Variants in RAD50 observed in about 807,000 individuals in gnomAD.
RAD50 encodes the protein DNA repair protein RAD50.
In RAD50, 132 loss-of-function variants were observed where a neutral mutation model predicts 168.8. That is an observed-to-expected ratio of 0.78 (90% confidence interval 0.68 to 0.90). The LOEUF is 0.90. Ranked by LOEUF, RAD50 falls within the 40% of genes least tolerant of loss-of-function variation. The probability of loss-of-function intolerance (pLI) is 0.00; values close to 1 mark genes in which losing one functional copy is unlikely to be tolerated. For synonymous variants in RAD50, 525 were observed against 497.4 expected (o/e 1.06, Z -0.74); for missense variants, 1,347 against 1,534.4 (o/e 0.88, Z 2.04).
chr5:132,594,728 C>T (rs1750758411), intron 11 of RAD50, 141 bp from the exon 12 acceptor site: 1 of 819,878 alleles, frequency 1.2e-6, no homozygotes, highest in Non-Finnish European at 1.9e-6. Context: ...ACTAGTCCCT[C>T]AACTTCTGAA....
chr5:132,579,059 T>C (rs562346613), intron 3 of RAD50, among the ~76,000 whole-genome samples: 3 of 152,332 alleles, frequency 2.0e-5, no homozygotes, highest in Non-Finnish European at 4.4e-5. Flanking sequence ...TAAATTATTA[T>C]ATTTAAAAGT....
chr5:132,567,489 A>AT (rs974590427), intron 2 of RAD50, among the ~76,000 whole-genome samples: 2 of 152,204 alleles, frequency 1.3e-5, no homozygotes, highest in African/African-American at 4.8e-5. Context: ...CAAAGATAGG[A>AT]TTTTGGATTT....
At chr5:132,565,123 C>T (rs896049508) in intron 2 of RAD50, among the ~76,000 whole-genome samples, 5 of 152,092 alleles carry the variant, frequency 3.3e-5, no homozygotes, top group Non-Finnish European at 5.9e-5. Flanking sequence ...GTCACAATTC[C>T]CCCTTTACTC....
chr5:132,558,919 T>C lies in RAD50; in HGVS notation c.130-365T>C, dbSNP rs117816182. ...GAGACCCTGTCTCTTAAACAAAAAG[T>C]TCCTACAGCCTGGAGTTAATGTGAG... On this transcript the variant is annotated intron_variant, in intron 1 of 24. Coordinates refer to ENST00000378823, the MANE Select transcript of RAD50 (RefSeq NM_005732.4). Among the ~76,000 whole-genome samples the C allele has an allele frequency of 1.5e-3, 231 of 152,180 alleles. 4 individuals are homozygous for C. Among genetic ancestry groups the C allele is most frequent in the Admixed American group, 0.011 (164 of 15,292 alleles).
At chr5:132,603,634 GA>G in intron 14 of RAD50, 145 bp downstream of exon 14, 1 of 972,220 alleles carries the variant, frequency 1.0e-6, no homozygotes, top group South Asian at 1.4e-5. Flanking sequence ...CCCTCAGGGA[GA>G]AACTGCTTAG....
At chr5:132,611,726 A>G (rs1751091344) in intron 19 of RAD50, among the ~76,000 whole-genome samples, 1 of 151,092 alleles carries the variant, frequency 6.6e-6, no homozygotes, top group African/African-American at 2.4e-5. Flanking sequence ...AAAAAAAAAA[A>G]AAAGTCACAA....
At chr5:132,624,871 C>CAAA (rs10671829) in intron 21 of RAD50, among the ~76,000 whole-genome samples, 4,070 of 57,152 alleles carry the variant, frequency 0.071, 329 homozygotes, top group African/African-American at 0.2. Context: ...GACCCTGTCT[C>CAAA]AAAAAAAAAA....
intron 5 of RAD50, among the ~76,000 whole-genome samples, chr5:132,581,409 C>T (rs1353714421): frequency 2.0e-5 from 3 of 152,236 alleles, no homozygotes; most frequent in East Asian, 1.9e-4. Flanking sequence ...CGTGAGCCAC[C>T]GCACCTGGAA....
intron 1 of RAD50, among the ~76,000 whole-genome samples, chr5:132,559,078 A>G (rs1352590104): frequency 1.3e-5 from 2 of 152,246 alleles, no homozygotes; most frequent in Non-Finnish European, 2.9e-5. Context: ...ACAATTCTTC[A>G]TATTAGGATA....
At chr5:132,619,185 G>T (rs1452955452) in intron 21 of RAD50, among the ~76,000 whole-genome samples, 2 of 152,120 alleles carry the variant, frequency 1.3e-5, no homozygotes. Context: ...TCTTCTGGAG[G>T]AAAGGTATAA....
At chr5:132,612,762 A>G (rs1050115625) in intron 19 of RAD50, among the ~76,000 whole-genome samples, 3 of 152,116 alleles carry the variant, frequency 2.0e-5, no homozygotes, top group African/African-American at 7.2e-5. Context: ...GGGGAGTTCA[A>G]GGCTGCAGTG....
At chr5:132,592,111 A>G (rs1322398023) in intron 11 of RAD50, 77 bp downstream of exon 11, 4 of 1,455,672 alleles carry the variant, frequency 2.7e-6, no homozygotes, top group Non-Finnish European at 3.8e-6. Context: ...AAAATAATTT[A>G]TTGTCATGAA....
chr5:132,637,277 G>A lies in RAD50; in HGVS notation c.3475+77G>A, dbSNP rs954311289. The A allele has an allele frequency of 3.9e-5, 61 of 1,551,762 alleles. 1 individual carries two copies. The South Asian group carries it at 5.9e-4, about 15-fold the overall frequency. On this transcript the variant is annotated intron_variant, in intron 22 of 24. Coordinates refer to ENST00000378823, the MANE Select transcript of RAD50 (RefSeq NM_005732.4). ...TCTTCCCCTTATGACCTCTCATCAT[G>A]CCAGCATTACCTCCCTGGACCCCTT...
rs1750474547 is a variant in RAD50, at chr5:132,579,937, A to G, written c.627A>G (p.Glu209=). 1 of 1,612,196 alleles carries G rather than the reference A, an allele frequency of 6.2e-7. No homozygotes were observed. The highest frequency in any genetic ancestry group is 8.5e-7 in the Non-Finnish European group (1 of 1,178,286). ...AGAAAGTAAAAGAATATCAAATGGA[A>G]CTAAAATATCTGAAGCAATATAAGG... ...QGQKVKEYQM[E]LKYLKQYKEK... The change falls in exon 5 of 25, where the codon GAA becomes GAG. Residue 209 remains glutamate (E), a synonymous_variant. Coordinates refer to ENST00000378823, the MANE Select transcript of RAD50 (RefSeq NM_005732.4).
At chr5:132,624,158 A>C (rs1468356584) in intron 21 of RAD50, among the ~76,000 whole-genome samples, 1 of 152,198 alleles carries the variant, frequency 6.6e-6, no homozygotes, top group Non-Finnish European at 1.5e-5. Flanking sequence ...TTAACATTAC[A>C]ATGTTCCCTG....
chr5:132,578,309 C>G (rs2149837222), intron 3 of RAD50, among the ~76,000 whole-genome samples: 1 of 152,240 alleles, frequency 6.6e-6, no homozygotes. Context: ...CTTGATATGT[C>G]TTTGCCTTCC....
At chr5:132,609,045 T>C in intron 17 of RAD50, 72 bp from the exon 18 acceptor site, 2 of 1,572,186 alleles carry the variant, frequency 1.3e-6, no homozygotes, top group Non-Finnish European at 1.7e-6. Flanking sequence ...TCCCAGCCAG[T>C]GTTTTACTGT....
chr5:132,640,943 T>G (rs1561661188), intron 24 of RAD50, 138 bp downstream of exon 24: 5 of 1,436,736 alleles, frequency 3.5e-6, no homozygotes, highest in Non-Finnish European at 4.9e-6. Flanking sequence ...GGGAAGCCAG[T>G]TGGTGCCAGG....
At chr5:132,570,227 G>A (rs1317486038) in intron 2 of RAD50, among the ~76,000 whole-genome samples, 1 of 152,118 alleles carries the variant, frequency 6.6e-6, no homozygotes, top group Admixed American at 6.5e-5. Context: ...GGGGATTGGA[G>A]CCCAAGTAAG....
Sources: allele counts gnomAD v4.1 joint callset (sites outside exome capture counted in the v4.1 genomes callset), GRCh38; gene constraint gnomAD v4.1.1; transcripts MANE v1.5; gene names NCBI Gene and HGNC (gene_info 2026-07-23, HGNC 2026-07-21).